AGK: variants seen among roughly 807,000 people sequenced by gnomAD.
AGK encodes the protein acylglycerol kinase, also known as acylglycerol kinase, mitochondrial.
In AGK, 52 loss-of-function variants were observed where a neutral mutation model predicts 66.4. The ratio of observed to expected loss-of-function variants is 0.78; its 90% CI spans 0.63 to 0.99. AGK has a LOEUF of 0.99. Among genes scored for constraint, AGK ranks in the 50% least tolerant of loss-of-function variants. AGK has a pLI of 0.00. For synonymous variants in AGK, 182 were observed against 181.1 expected, an observed-to-expected ratio of 1.00 and a Z score of -0.04; for missense variants, 451 against 506.6, an observed-to-expected ratio of 0.89 and a Z score of 1.05.
intron 2 of AGK, among the ~76,000 whole-genome samples, chr7:141,562,775 T>C (rs1259905553): frequency 1.3e-5 from 2 of 152,194 alleles, no homozygotes; most frequent in African/African-American, 4.8e-5. Context: ...GGTCATAAGC[T>C]TCCCCGCTGA....
rs189393927 is a variant in AGK, at chr7:141,654,282, T to A, written c.*1358T>A. ...TTATTAGAATGTTCTTTATCCTAAT[T>A]AGTTCATTTATCCAAGAATACATGA... On this transcript the variant is annotated 3_prime_UTR_variant, in exon 16 of 16. Coordinates refer to ENST00000649286, the MANE Select transcript of AGK (RefSeq NM_018238.4). The A allele has an allele frequency of 6.6e-5, 10 of 152,364 alleles. No individual in the cohort carries two copies. In the East Asian group the frequency reaches 1.9e-3, roughly 29 times the overall value. The allele number at this position is 152,364 out of a possible 1,614,324, so 9.4% of individuals were successfully genotyped here.
intron 8 of AGK, among the ~76,000 whole-genome samples, chr7:141,618,786 C>T (rs913161030): frequency 1.3e-5 from 2 of 152,130 alleles, no homozygotes; most frequent in Non-Finnish European, 2.9e-5. Context: ...TGGTTAGGAA[C>T]TGCCCTTTTT....
intron 14 of AGK, chr7:141,650,392 T>A (rs1451456360): frequency 2.1e-5 from 9 of 431,872 alleles, no homozygotes; most frequent in Non-Finnish European, 2.5e-5. Flanking sequence ...AGACCCCAAT[T>A]CTATTGCTAA....
chr7:141,572,290 C>G (rs1795622241), intron 2 of AGK, among the ~76,000 whole-genome samples: 1 of 152,166 alleles, frequency 6.6e-6, no homozygotes, highest in South Asian at 2.1e-4. Flanking sequence ...AAATAGTTTA[C>G]ACAAAAGGTA....
At chr7:141,604,372 G>GTATATA (rs1436838520) in intron 5 of AGK, among the ~76,000 whole-genome samples, 67 of 58,388 alleles carry the variant, frequency 1.1e-3, no homozygotes, top group African/African-American at 4.3e-3. Context: ...GTGTGTGTGT[G>GTATATA]TGTATATATA....
intron 14 of AGK, among the ~76,000 whole-genome samples, chr7:141,649,915 T>C (rs976663188): frequency 2.0e-5 from 3 of 152,250 alleles, no homozygotes; most frequent in Admixed American, 6.5e-5. Flanking sequence ...CCTTTTTCCC[T>C]TTTCCAATAC....
chr7:141,559,168 T>A (rs35720865), intron 2 of AGK, among the ~76,000 whole-genome samples: 5,124 of 152,292 alleles, frequency 0.034, 136 homozygotes, highest in South Asian at 0.14. Flanking sequence ...CTGCTTTTGG[T>A]GTTATATTCA....
intron 8 of AGK, among the ~76,000 whole-genome samples, chr7:141,618,127 A>G (rs866938244): frequency 4.6e-5 from 7 of 152,338 alleles, no homozygotes; most frequent in Middle Eastern, 3.4e-3. Context: ...TTTGTTAGAA[A>G]CACTGGTTTA....
intron 2 of AGK, among the ~76,000 whole-genome samples, chr7:141,574,238 A>C (rs1396918015): frequency 6.6e-6 from 1 of 152,166 alleles, no homozygotes; most frequent in Non-Finnish European, 1.5e-5. Context: ...TTAGGGGTAG[A>C]AATCATTGAA....
intron 2 of AGK, among the ~76,000 whole-genome samples, chr7:141,562,283 G>C (rs758643092): frequency 6.6e-6 from 1 of 152,214 alleles, no homozygotes; most frequent in Non-Finnish European, 1.5e-5. Flanking sequence ...GTCCTGAGTT[G>C]GTTGGCCTTC....
At chr7:141,565,308 G>T (rs1795444459) in intron 2 of AGK, among the ~76,000 whole-genome samples, 1 of 152,084 alleles carries the variant, frequency 6.6e-6, no homozygotes, top group Non-Finnish European at 1.5e-5. Context: ...AAGTTTTCCT[G>T]CCAAACCTGT....
chr7:141,652,567 A>T, intron 15 of AGK: 1 of 423,842 alleles, frequency 2.4e-6, no homozygotes, highest in Non-Finnish European at 4.2e-6. Context: ...AAAGAAAATA[A>T]ATCCTTTTTC....
At chr7:141,600,856 G>T (rs1796325115) in intron 4 of AGK, among the ~76,000 whole-genome samples, 1 of 152,100 alleles carries the variant, frequency 6.6e-6, no homozygotes, top group Non-Finnish European at 1.5e-5. Context: ...CACACAGTAG[G>T]TGCTCAATGA....
intron 4 of AGK, among the ~76,000 whole-genome samples, chr7:141,599,755 G>C (rs1252058369): frequency 6.6e-6 from 1 of 152,170 alleles, no homozygotes; most frequent in African/African-American, 2.4e-5. Flanking sequence ...TAAGCCCCCA[G>C]AAATGGTGAG....
intron 8 of AGK, among the ~76,000 whole-genome samples, chr7:141,616,837 C>T (rs1319619229): frequency 6.6e-6 from 1 of 151,136 alleles, no homozygotes; most frequent in African/African-American, 2.4e-5. Context: ...CGGCTCACTG[C>T]AAGCTCCGTC....
At position 141,623,825 on chromosome 7, in the gene AGK, C is replaced by T. The variant is rs148080103; in HGVS notation, c.588+2024C>T. Reference sequence around the variant, plus strand: ...ACTTTCATAGCTAGAGACGGGAAGTCAATGCCTGGCTTCAAAGTTTGGGAC... The same window carrying T: ...ACTTTCATAGCTAGAGACGGGAAGTTAATGCCTGGCTTCAAAGTTTGGGAC... On this transcript the variant is annotated intron_variant, in intron 9 of 15. Transcript: ENST00000649286. Among the ~76,000 whole-genome samples the T allele has an allele frequency of 2.2e-4, 33 of 152,262 alleles. No homozygotes were observed. In the East Asian group the frequency reaches 6.4e-3, roughly 29 times the overall value.
At chr7:141,629,834 C>T (rs1797019272) in intron 9 of AGK, among the ~76,000 whole-genome samples, 1 of 151,962 alleles carries the variant, frequency 6.6e-6, no homozygotes, top group Non-Finnish European at 1.5e-5. Flanking sequence ...GTCGGCAACC[C>T]TCAGTACTTA....
At position 141,621,800 on chromosome 7, in the gene AGK, A is replaced by C. The variant is rs1215676387; in HGVS notation, c.587A>C (p.Lys196Thr). The C allele has an allele frequency of 1.2e-6, 2 of 1,610,732 alleles. No individual in the cohort carries two copies. Among genetic ancestry groups the C allele is most frequent in the African/African-American group, 2.7e-5 (2 of 74,792 alleles). The part of the protein sequence containing the change: ...ETVPLDVLQI[K>T]GEKEQPVFAM... ...GTTCCACTTGATGTCTTGCAGATCA[A>C]GGTAAATCTTTTCATCACATATTGG... is the stretch of plus-strand genomic sequence containing the variant. The change falls in exon 9 of 16, where the codon AAG becomes ACG. Residue 196 changes from lysine to threonine, a missense_variant and splice_region_variant. Physicochemically the swap from Lys to Thr is moderately conservative, Grantham distance 78 (BLOSUM62 -1). Transcript: ENST00000649286.
At chr7:141,644,324 T>G (rs1210200663) in intron 13 of AGK, among the ~76,000 whole-genome samples, 1 of 152,212 alleles carries the variant, frequency 6.6e-6, no homozygotes, top group Admixed American at 6.5e-5. Context: ...CAAGTGCTTT[T>G]TATCTTTGTG....
Sources: gnomAD v4.1 joint callset for allele counts (sites outside exome capture counted in the v4.1 genomes callset) on GRCh38, gnomAD v4.1.1 for gene constraint, MANE v1.5 for transcripts, NCBI Gene and HGNC (gene_info 2026-07-23, HGNC 2026-07-21) for gene names.